Variants in CCNH observed in about 807,000 individuals in gnomAD.
CCNH encodes the protein cyclin-H.
CCNH carries 31 observed loss-of-function variants against 41.9 expected under a neutral mutation model. The observed-to-expected ratio is 0.74, with a 90% CI of 0.56 to 1.00. The LOEUF (loss-of-function observed/expected upper bound fraction) is 1.00, where lower values mean the gene tolerates loss of function less well. Ranked by LOEUF, CCNH falls within the 50% of genes least tolerant of loss-of-function variation. The probability of loss-of-function intolerance (pLI) is 0.00; values close to 1 mark genes in which losing one functional copy is unlikely to be tolerated. For synonymous variants in CCNH, 138 were observed against 136.1 expected, an observed-to-expected ratio of 1.01 and a Z score of -0.10; for missense variants, 362 against 388.4, an observed-to-expected ratio of 0.93 and a Z score of 0.57.
rs79175867 is a variant in CCNH at position 87,407,012 on chromosome 5, C to T, written c.525+964G>A. 9.0e-3 allele frequency among the ~76,000 whole-genome samples: 1,368 copies of T among 152,212 alleles called. 22 individuals are homozygous for T. The highest frequency in any genetic ancestry group is 0.029 in the African/African-American group (1,200 of 41,514). On this transcript the variant is annotated intron_variant, in intron 4 of 8. Coordinates refer to ENST00000256897, the MANE Select transcript of CCNH (RefSeq NM_001239.4). Reference sequence around the variant, plus strand: ...GTCTCCACAGTCTAGACTCTGCCTTCCACTCTGGCAGCAGCTGTCTGTGAT... The same window carrying T: ...GTCTCCACAGTCTAGACTCTGCCTTTCACTCTGGCAGCAGCTGTCTGTGAT...
At chr5:87,336,722 C>A (rs1758001030) in intron 9 of CCNH, among the ~76,000 whole-genome samples, 1 of 152,048 alleles carries the variant, frequency 6.6e-6, no homozygotes, top group African/African-American at 2.4e-5. Flanking sequence ...AGTTCATGTG[C>A]ACCCTCCTTT....
downstream of CCNH, among the ~76,000 whole-genome samples, chr5:87,314,751 AG>A (rs1196714809): frequency 6.6e-6 from 1 of 152,080 alleles, no homozygotes; most frequent in Non-Finnish European, 1.5e-5. Flanking sequence ...AAAAAAAAAA[AG>A]TGTTGAGTTT....
chr5:87,392,519 A>G (rs531603415), downstream of CCNH: 3 of 365,422 alleles, frequency 8.2e-6, no homozygotes, highest in South Asian at 2.1e-5. Flanking sequence ...ACTTGGACCA[A>G]CATAGTATCC....
intron 9 of CCNH, among the ~76,000 whole-genome samples, chr5:87,338,537 T>TATATATATATATATA (rs1421369290): frequency 7.5e-5 from 6 of 79,792 alleles, no homozygotes; most frequent in Non-Finnish European, 1.6e-4. Flanking sequence ...ATATATAAAA[T>TATATATATATATATA]TTTTTTTTTT....
At chr5:87,340,335 A>G (rs1005767679) in intron 9 of CCNH, among the ~76,000 whole-genome samples, 1 of 152,104 alleles carries the variant, frequency 6.6e-6, no homozygotes, top group Admixed American at 6.6e-5. Flanking sequence ...ACACTGTCTA[A>G]AATTAATAAT....
intron 9 of CCNH, among the ~76,000 whole-genome samples, chr5:87,329,991 G>A (rs1408337475): frequency 6.6e-6 from 1 of 152,092 alleles, no homozygotes; most frequent in East Asian, 1.9e-4. Flanking sequence ...GATAATGGCT[G>A]AACTAAGATT....
chr5:87,406,181 C>T (rs1372344208), intron 4 of CCNH, among the ~76,000 whole-genome samples: 1 of 152,114 alleles, frequency 6.6e-6, no homozygotes, highest in African/African-American at 2.4e-5. Flanking sequence ...CCATGATTTC[C>T]CCTTTTCCAC....
At chr5:87,374,984 A>G, downstream of CCNH, 1 of 1,531,432 alleles carries the variant, frequency 6.5e-7, no homozygotes, top group Non-Finnish European at 8.7e-7. Context: ...ATTCACAATG[A>G]AAGTCTTAAA....
At chr5:87,361,297 T>C (rs1482665910) in intron 9 of CCNH, among the ~76,000 whole-genome samples, 1 of 152,244 alleles carries the variant, frequency 6.6e-6, no homozygotes, top group Non-Finnish European at 1.5e-5. Flanking sequence ...TGTAAGCAAT[T>C]CATTCTTCTA....
downstream of CCNH, among the ~76,000 whole-genome samples, chr5:87,375,431 T>G (rs1761260806): frequency 6.6e-6 from 1 of 152,082 alleles, no homozygotes. Flanking sequence ...TGGCTAAGTT[T>G]TGTATTTTTA....
At chr5:87,373,928 C>T (rs930330815), downstream of CCNH, among the ~76,000 whole-genome samples, 6 of 151,584 alleles carry the variant, frequency 4.0e-5, no homozygotes. Flanking sequence ...GGAGAAATAA[C>T]TTGTAAAATA....
intron 6 of CCNH, 76 bp downstream of exon 6, chr5:87,401,626 T>G (rs933110974): frequency 1.1e-6 from 1 of 886,276 alleles, no homozygotes; most frequent in Non-Finnish European, 1.7e-6. Flanking sequence ...TATTTCTAGT[T>G]AAACACCAAG....
At chr5:87,391,064 AG>A (rs568851393), downstream of CCNH, 128 of 692,022 alleles carry the variant, frequency 1.8e-4, no homozygotes, top group African/African-American at 2.2e-3. Context: ...CAACCTTGTA[AG>A]CTATCTGTGC....
At chr5:87,366,747 T>A (rs1365514736) in intron 9 of CCNH, among the ~76,000 whole-genome samples, 1 of 152,238 alleles carries the variant, frequency 6.6e-6, no homozygotes, top group Non-Finnish European at 1.5e-5. Context: ...ATTTTTCTTT[T>A]AAGACTGGGC....
intron 9 of CCNH, among the ~76,000 whole-genome samples, chr5:87,352,815 T>A (rs1032088558): frequency 2.6e-5 from 4 of 151,888 alleles, no homozygotes; most frequent in African/African-American, 9.7e-5. Context: ...TCTTAGTATC[T>A]CATATATACT....
upstream of CCNH, among the ~76,000 whole-genome samples, chr5:87,378,222 G>GTTAA (rs1163389605): frequency 6.6e-6 from 1 of 152,172 alleles, no homozygotes; most frequent in East Asian, 1.9e-4. Context: ...GTCTTACAGA[G>GTTAA]TTAAGTCTGT....
downstream of CCNH, among the ~76,000 whole-genome samples, chr5:87,371,493 C>G (rs1339203576): frequency 6.6e-6 from 1 of 152,008 alleles, no homozygotes; most frequent in Admixed American, 6.6e-5. Flanking sequence ...TCCTTTTCCC[C>G]AAAGCACTAG....
chr5:87,326,664 C>A (rs1427716215), intron 9 of CCNH, among the ~76,000 whole-genome samples: 1 of 152,048 alleles, frequency 6.6e-6, no homozygotes, highest in South Asian at 2.1e-4. Flanking sequence ...ACATACTATC[C>A]TTTATATTGC....
chr5:87,323,557 A>G (rs910962499), intron 9 of CCNH, among the ~76,000 whole-genome samples: 3 of 152,222 alleles, frequency 2.0e-5, no homozygotes, highest in Admixed American at 6.5e-5. Flanking sequence ...AAGAAATTCC[A>G]TAAGTAAGGT....
Sources: allele counts gnomAD v4.1 joint callset (sites outside exome capture counted in the v4.1 genomes callset), GRCh38; gene constraint gnomAD v4.1.1; transcripts MANE v1.5; gene names NCBI Gene and HGNC (gene_info 2026-07-23, HGNC 2026-07-21).